The following PTPRG variants were observed in gnomAD, a reference collection of about 807,000 sequenced individuals.
The protein encoded by PTPRG is receptor-type tyrosine-protein phosphatase gamma.
PTPRG carries 102 observed loss-of-function variants against 165.3 expected under a neutral mutation model. That is an observed-to-expected ratio of 0.62 (90% CI 0.53 to 0.73). PTPRG has a LOEUF of 0.73. PTPRG is among the 30% of genes least tolerant of loss of function. The probability of loss-of-function intolerance (pLI) is 0.00; values close to 1 mark genes in which losing one functional copy is unlikely to be tolerated. For missense variants in PTPRG, 1,866 were observed against 1,861.4 expected (o/e 1.00, Z -0.05); for synonymous variants, 675 against 669.5 (o/e 1.01, Z -0.13).
chr3:62,023,526 C>T (rs985473127), intron 4 of PTPRG, among the ~76,000 whole-genome samples: 3 of 152,110 alleles, frequency 2.0e-5, no homozygotes, highest in African/African-American at 7.2e-5. Flanking sequence ...TATTCCTATG[C>T]ACTCCTCCAA....
chr3:61,708,017 G>A (rs146821377), intron 1 of PTPRG, among the ~76,000 whole-genome samples: 1 of 152,092 alleles, frequency 6.6e-6, no homozygotes, highest in South Asian at 2.1e-4. Context: ...TTGAAATCTT[G>A]AGCTGAAGGG....
chr3:62,197,206 G>A (rs1576123631), intron 10 of PTPRG, among the ~76,000 whole-genome samples: 1 of 152,136 alleles, frequency 6.6e-6, no homozygotes, highest in African/African-American at 2.4e-5. Flanking sequence ...CTACCCCATA[G>A]GGTCTTTGTA....
intron 1 of PTPRG, among the ~76,000 whole-genome samples, chr3:61,728,680 T>A (rs1559577893): frequency 6.6e-6 from 1 of 151,802 alleles, no homozygotes; most frequent in Non-Finnish European, 1.5e-5. Flanking sequence ...AGCTATGTAT[T>A]TTTTTTGTAT....
intron 1 of PTPRG, among the ~76,000 whole-genome samples, chr3:61,605,557 A>G (rs1318073328): frequency 4.9e-5 from 4 of 82,442 alleles, no homozygotes; most frequent in African/African-American, 1.2e-4. Context: ...CACCAAGCCA[A>G]TTTTTTTATT....
chr3:62,167,200 G>A (rs1037699041), intron 7 of PTPRG, among the ~76,000 whole-genome samples: 5 of 152,060 alleles, frequency 3.3e-5, no homozygotes, highest in South Asian at 2.1e-4. Flanking sequence ...GTATTATTAC[G>A]TGTTTTACAG....
intron 5 of PTPRG, among the ~76,000 whole-genome samples, chr3:62,105,188 T>C (rs1200414210): frequency 1.3e-5 from 2 of 152,226 alleles, no homozygotes; most frequent in Non-Finnish European, 2.9e-5. Flanking sequence ...TAGATATTTA[T>C]GCATGGAGCT....
At chr3:61,830,566 G>GTTTTTTTTTTTTTTTTTTTTTTTTTTTTT (rs57644199) in intron 2 of PTPRG, among the ~76,000 whole-genome samples, 1 of 86,500 alleles carries the variant, frequency 1.2e-5, no homozygotes, top group Non-Finnish European at 2.3e-5. Flanking sequence ...TTTTGTTTTT[G>GTTTTTTTTTTTTTTTTTTTTTTTTTTTTT]TTTTTTTTTT....
At chr3:61,991,945 G>A (rs1345971951) in intron 3 of PTPRG, among the ~76,000 whole-genome samples, 2 of 152,208 alleles carry the variant, frequency 1.3e-5, no homozygotes, top group Non-Finnish European at 2.9e-5. Flanking sequence ...ATCAATCTGT[G>A]TCACTCTCCT....
At chr3:61,600,123 A>G (rs1353035709) in intron 1 of PTPRG, among the ~76,000 whole-genome samples, 4 of 150,098 alleles carry the variant, frequency 2.7e-5, no homozygotes, top group Non-Finnish European at 5.9e-5. Flanking sequence ...GCAAGCCACT[A>G]TACTCCAGCC....
chr3:62,010,875 G>A (rs1478827101), intron 4 of PTPRG, among the ~76,000 whole-genome samples: 1 of 152,154 alleles, frequency 6.6e-6, no homozygotes, highest in African/African-American at 2.4e-5. Flanking sequence ...TACAGGTGAT[G>A]CACGATTTTT....
rs750088795 is a variant in PTPRG, at chr3:61,759,780, A to T, written c.190+10798A>T. ...TACAAATATTTGACTTTCACATAAT[A>T]AAGTCATTTCTTCTTGAGGTTTTTT... On this transcript the variant is annotated intron_variant, in intron 2 of 29. Transcript: ENST00000474889. Among the ~76,000 whole-genome samples, 62 of 152,074 alleles carry T rather than the reference A, an allele frequency of 4.1e-4. 3 individuals carry two copies. The highest frequency in any genetic ancestry group is 2.9e-4 in the Non-Finnish European group (20 of 68,004).
intron 1 of PTPRG, among the ~76,000 whole-genome samples, chr3:61,733,526 T>C (rs528248268): frequency 2.8e-4 from 42 of 152,322 alleles, no homozygotes; most frequent in African/African-American, 5.3e-4. Flanking sequence ...ATCAGCACAG[T>C]GCCTCCTGGT....
chr3:62,060,381 A>G (rs1700769921), intron 4 of PTPRG, among the ~76,000 whole-genome samples: 1 of 152,172 alleles, frequency 6.6e-6, no homozygotes, highest in Non-Finnish European at 1.5e-5. Flanking sequence ...AGTAATAGGT[A>G]AATAGAAAGT....
chr3:62,264,118 C>T (rs965366917), intron 17 of PTPRG: 1 of 151,132 alleles, frequency 6.6e-6, no homozygotes, highest in Non-Finnish European at 1.5e-5. Flanking sequence ...TGTACTCCAT[C>T]CTGGGTGACA....
intron 1 of PTPRG, among the ~76,000 whole-genome samples, chr3:61,581,330 G>C (rs1403134140): frequency 6.6e-6 from 1 of 152,208 alleles, no homozygotes; most frequent in Non-Finnish European, 1.5e-5. Flanking sequence ...AAGTGTAAAA[G>C]CTCTGGGGTA....
At chr3:62,282,643 C>G in intron 27 of PTPRG, 84 bp from the exon 28 acceptor site, 1 of 1,406,380 alleles carries the variant, frequency 7.1e-7, no homozygotes, top group Admixed American at 2.4e-5. Context: ...TAACACATGG[C>G]TTTCTCAGGA....
chr3:62,164,257 G>A (rs187615368), intron 7 of PTPRG, among the ~76,000 whole-genome samples: 171 of 152,296 alleles, frequency 1.1e-3, no homozygotes, highest in African/African-American at 4.0e-3. Context: ...CAAGGCAAGA[G>A]TCAGGGTGTG....
At chr3:61,714,042 T>C (rs2031693844) in intron 1 of PTPRG, among the ~76,000 whole-genome samples, 1 of 152,368 alleles carries the variant, frequency 6.6e-6, no homozygotes, top group Admixed American at 6.5e-5. Flanking sequence ...AGATTTGAAC[T>C]GAATGATCTC....
intron 1 of PTPRG, among the ~76,000 whole-genome samples, chr3:61,744,557 TTA>T (rs1392257257): frequency 6.6e-6 from 1 of 152,202 alleles, no homozygotes; most frequent in East Asian, 1.9e-4. Context: ...AAATACTTTA[TTA>T]TAATCTCATG....
Sources: gnomAD v4.1 joint callset for allele counts (sites outside exome capture counted in the v4.1 genomes callset) on GRCh38, gnomAD v4.1.1 for gene constraint, MANE v1.5 for transcripts, NCBI Gene and HGNC (gene_info 2026-07-23, HGNC 2026-07-21) for gene names.